Variants in TANC2 observed in about 807,000 individuals in gnomAD.
The protein encoded by TANC2 is protein TANC2.
Under a neutral mutation model 210.5 loss-of-function variants are expected in TANC2, and 26 were observed. The observed-to-expected ratio is 0.12, with a 90% CI of 0.09 to 0.17. The LOEUF is 0.17. Among genes scored for constraint, TANC2 ranks in the 10% least tolerant of loss-of-function variants. The pLI is 1.00. For synonymous variants in TANC2, 931 were observed against 967.1 expected (o/e 0.96, Z 0.69); for missense variants, 2,129 against 2,608.9 (o/e 0.82, Z 4.01).
intron 1 of TANC2, among the ~76,000 whole-genome samples, chr17:62,999,547 A>G (rs1403052634): frequency 9.6e-6 from 1 of 104,028 alleles, no homozygotes; most frequent in African/African-American, 5.4e-5. Context: ...CAAATTCATA[A>G]AACAAATTAC....
intron 1 of TANC2, among the ~76,000 whole-genome samples, chr17:62,984,600 G>C (rs186148175): frequency 6.6e-6 from 1 of 151,866 alleles, no homozygotes; most frequent in African/African-American, 2.4e-5. Context: ...ATTTATCACT[G>C]TACACTTGTG....
At chr17:63,416,355 G>C (rs2048861073) in intron 26 of TANC2, among the ~76,000 whole-genome samples, 1 of 152,138 alleles carries the variant, frequency 6.6e-6, no homozygotes, top group Non-Finnish European at 1.5e-5. Flanking sequence ...CTCAGGTTTT[G>C]GAAATAGCTA....
chr17:63,322,055 C>T (rs1432059709), intron 11 of TANC2, among the ~76,000 whole-genome samples: 1 of 152,174 alleles, frequency 6.6e-6, no homozygotes, highest in Non-Finnish European at 1.5e-5. Flanking sequence ...CATGTTTTCC[C>T]AGATACATTA....
intron 12 of TANC2, among the ~76,000 whole-genome samples, chr17:63,344,765 A>C (rs2046346401): frequency 6.6e-6 from 1 of 152,232 alleles, no homozygotes; most frequent in South Asian, 2.1e-4. Context: ...CTTTGACATT[A>C]CTTCCACTAA....
intron 5 of TANC2, among the ~76,000 whole-genome samples, chr17:63,168,623 CT>C (rs2040295456): frequency 6.6e-6 from 1 of 152,184 alleles, no homozygotes; most frequent in Non-Finnish European, 1.5e-5. Flanking sequence ...TGTATTTATA[CT>C]CTGCAATTCA....
In TANC2 at chr17:63,400,412, C is replaced by T. The variant is rs2048305844; in HGVS notation, c.3331+1498C>T. Among the ~76,000 whole-genome samples the T allele has an allele frequency of 3.9e-5, 6 of 152,038 alleles. No homozygotes were observed. In the South Asian group the frequency reaches 1.2e-3, roughly 32 times the overall value. On this transcript the variant is annotated intron_variant, in intron 19 of 27. Transcript: ENST00000689528. Reference sequence around the variant, plus strand: ...TCTTATTAGAATAAAATTTTATGGCCTCAGGATTTTTAAAATATTTTATTC... The same window carrying T: ...TCTTATTAGAATAAAATTTTATGGCTTCAGGATTTTTAAAATATTTTATTC...
chr17:63,147,963 C>G (rs1567763329), intron 4 of TANC2, among the ~76,000 whole-genome samples: 1 of 152,108 alleles, frequency 6.6e-6, no homozygotes, highest in Non-Finnish European at 1.5e-5. Context: ...ACAATAATAA[C>G]AGCTGATGTT....
At chr17:63,035,092 TTTG>T (rs1422350504) in intron 2 of TANC2, among the ~76,000 whole-genome samples, 1 of 152,150 alleles carries the variant, frequency 6.6e-6, no homozygotes, top group Non-Finnish European at 1.5e-5. Flanking sequence ...GCAAACTTCA[TTTG>T]TTGTCTTATT....
intron 2 of TANC2, among the ~76,000 whole-genome samples, chr17:63,014,522 T>C (rs1410599681): frequency 1.3e-5 from 2 of 152,190 alleles, no homozygotes; most frequent in Non-Finnish European, 2.9e-5. Flanking sequence ...CAGGGATTTA[T>C]TGATGTTGTT....
intron 6 of TANC2, among the ~76,000 whole-genome samples, chr17:63,200,419 CT>C (rs973762784): frequency 1.3e-5 from 2 of 149,876 alleles, no homozygotes; most frequent in African/African-American, 4.9e-5. Flanking sequence ...AGTTCCAGGT[CT>C]TCCAAAAAGT....
chr17:63,201,659 A>G (rs1440795286), intron 7 of TANC2, among the ~76,000 whole-genome samples: 3 of 146,382 alleles, frequency 2.0e-5, no homozygotes, highest in African/African-American at 5.1e-5. Context: ...CTAGTTGACT[A>G]CTTAGTCCTA....
At chr17:63,226,297 T>C (rs1384204411) in intron 7 of TANC2, among the ~76,000 whole-genome samples, 1 of 152,188 alleles carries the variant, frequency 6.6e-6, no homozygotes, top group Non-Finnish European at 1.5e-5. Flanking sequence ...AAAATGTAAG[T>C]TTAATTATGT....
chr17:63,389,523 G>T (rs2047894657), exon 17 of TANC2: 8 of 1,609,992 alleles, frequency 5.0e-6, no homozygotes, highest in Non-Finnish European at 6.8e-6. Flanking sequence ...TTGTGGTGCT[G>T]CTGTGCAAGA....
intron 9 of TANC2, among the ~76,000 whole-genome samples, chr17:63,299,652 G>A (rs1012235000): frequency 2.8e-5 from 4 of 145,254 alleles, no homozygotes; most frequent in Non-Finnish European, 6.0e-5. Flanking sequence ...TTGTAAATTT[G>A]TTTAAGTTCC....
At chr17:62,984,901 G>A (rs999369296) in intron 1 of TANC2, among the ~76,000 whole-genome samples, 3 of 152,142 alleles carry the variant, frequency 2.0e-5, no homozygotes, top group Non-Finnish European at 4.4e-5. Flanking sequence ...TGTTCCATGT[G>A]CTGTTGAAAA....
intron 7 of TANC2, among the ~76,000 whole-genome samples, chr17:63,219,399 G>A (rs1319882667): frequency 6.6e-6 from 1 of 151,338 alleles, no homozygotes; most frequent in African/African-American, 2.4e-5. Flanking sequence ...TTGCCTACTG[G>A]CCCACAAAGC....
intron 2 of TANC2, among the ~76,000 whole-genome samples, chr17:63,010,697 C>T (rs1229283110): frequency 1.3e-5 from 2 of 152,128 alleles, no homozygotes; most frequent in Non-Finnish European, 2.9e-5. Flanking sequence ...GTTCCCATGA[C>T]CCCTTTCTCA....
intron 2 of TANC2, among the ~76,000 whole-genome samples, chr17:63,041,417 G>T (rs926593194): frequency 2.0e-5 from 3 of 152,112 alleles, no homozygotes; most frequent in Non-Finnish European, 4.4e-5. Context: ...AGATACAGCA[G>T]CCTCGAAATC....
At chr17:63,045,506 A>G (rs73341710) in intron 2 of TANC2, among the ~76,000 whole-genome samples, 3,472 of 152,252 alleles carry the variant, frequency 0.023, 127 homozygotes, top group African/African-American at 0.077. Flanking sequence ...ATATTCTTCT[A>G]TATTTGAAAT....
Sources: gnomAD v4.1 joint callset for allele counts (sites outside exome capture counted in the v4.1 genomes callset) on GRCh38, gnomAD v4.1.1 for gene constraint, MANE v1.5 for transcripts, NCBI Gene and HGNC (gene_info 2026-07-23, HGNC 2026-07-21) for gene names.